KDM3B: variants seen among roughly 807,000 people sequenced by gnomAD.
The protein encoded by KDM3B is lysine-specific demethylase 3B.
A neutral mutation model predicts 170.0 loss-of-function variants in KDM3B; 10 were observed. The observed-to-expected ratio is 0.06, with a 90% CI of 0.04 to 0.10. KDM3B has a LOEUF of 0.10. KDM3B is among the 10% of genes least tolerant of loss of function. The pLI, the probability that KDM3B is intolerant of heterozygous loss-of-function variation, is 1.00. For synonymous variants in KDM3B, 831 were observed against 834.8 expected (o/e 1.00, Z 0.08); for missense variants, 1,394 against 2,195.2 (o/e 0.64, Z 7.29).
intron 20 of KDM3B, 116 bp downstream of exon 20, chr5:138,428,202 T>A: frequency 8.9e-7 from 1 of 1,119,728 alleles, no homozygotes; most frequent in Non-Finnish European, 1.3e-6. Context: ...TTTTCTTTTT[T>A]CTGTTTTTTT....
At chr5:138,430,223 A>G (rs894821717) in intron 21 of KDM3B, 26 bp from the exon 22 acceptor site, 6 of 1,606,748 alleles carry the variant, frequency 3.7e-6, no homozygotes, top group Non-Finnish European at 4.3e-6. Context: ...TAATTTTCCC[A>G]TCTTTGGATT....
At chr5:138,403,399 G>A (rs990139411) in intron 11 of KDM3B, among the ~76,000 whole-genome samples, 1 of 152,166 alleles carries the variant, frequency 6.6e-6, no homozygotes, top group Admixed American at 6.5e-5. Context: ...GAACCAGCCT[G>A]GCACAGTGGC....
rs560576789 is a variant in KDM3B at position 138,390,028 on chromosome 5, T to G, written c.1381-985T>G. On this transcript the variant is annotated intron_variant, in intron 7 of 23. Coordinates refer to ENST00000314358, the MANE Select transcript of KDM3B (RefSeq NM_016604.4). ...GCACGTGCCACCATGCCCGGCTCATTTTTTGTATTTTTAGTAGAGACAGGG... is the reference window on the plus strand; with the variant it reads ...GCACGTGCCACCATGCCCGGCTCATGTTTTGTATTTTTAGTAGAGACAGGG... Among the ~76,000 whole-genome samples the G allele has an allele frequency of 3.3e-5, 5 of 151,944 alleles. No homozygotes were observed. In the East Asian group the frequency reaches 9.7e-4, roughly 29 times the overall value.
chr5:138,403,732 C>T (rs111426924), intron 11 of KDM3B, among the ~76,000 whole-genome samples: 4,043 of 150,738 alleles, frequency 0.027, 75 homozygotes, highest in Middle Eastern at 0.038. Flanking sequence ...ATGGCTCACA[C>T]CTGCAATCCC....
intron 1 of KDM3B, among the ~76,000 whole-genome samples, chr5:138,360,522 T>TTGTA (rs1761570046): frequency 1.5e-5 from 2 of 137,898 alleles, no homozygotes. Flanking sequence ...TAAAAAAAGA[T>TTGTA]TGTGTGTGTG....
intron 4 of KDM3B, among the ~76,000 whole-genome samples, 166 bp downstream of exon 4, chr5:138,377,991 A>G (rs1054907704): frequency 6.6e-6 from 1 of 152,190 alleles, no homozygotes; most frequent in African/African-American, 2.4e-5. Flanking sequence ...ATTAAAAAAT[A>G]AAAATAAAGA....
chr5:138,377,117 G>A (rs1306408407), intron 3 of KDM3B, among the ~76,000 whole-genome samples: 1 of 152,050 alleles, frequency 6.6e-6, no homozygotes, highest in Admixed American at 6.6e-5. Flanking sequence ...TGTCTTCCTC[G>A]CTCGTTAGGC....
At chr5:138,369,784 A>G (rs76118157) in intron 1 of KDM3B, among the ~76,000 whole-genome samples, 5 of 152,312 alleles carry the variant, frequency 3.3e-5, no homozygotes, top group Non-Finnish European at 7.3e-5. Context: ...CCTGTGACAT[A>G]CTATTGCCCA....
chr5:138,375,464 G>A lies in KDM3B; in HGVS notation c.474+258G>A, dbSNP rs190504265. ...GCGATCTCAACTCACTGCAACCTCCGCCTCCCCGGTTCACTCCATTCTCCT... is the reference window on the plus strand; with the variant it reads ...GCGATCTCAACTCACTGCAACCTCCACCTCCCCGGTTCACTCCATTCTCCT... On this transcript the variant is annotated intron_variant, in intron 3 of 23. Coordinates refer to ENST00000314358, the MANE Select transcript of KDM3B (RefSeq NM_016604.4). Among the ~76,000 whole-genome samples the A allele has an allele frequency of 8.5e-3, 1,290 of 151,382 alleles. 18 individuals are homozygous for A. The highest frequency in any genetic ancestry group is 0.029 in the African/African-American group (1,202 of 41,202).
rs1293558487 is a variant in KDM3B at position 138,430,656 on chromosome 5, C to T, written c.5070+231C>T. On this transcript the variant is annotated intron_variant, in intron 22 of 23. Transcript: ENST00000314358. ...CTGTAATCCCAGCACTTTGGGAGGC[C>T]GAGGCGGGTGGATCACCTGAGGTTG... Among the ~76,000 whole-genome samples the T allele has an allele frequency of 3.3e-5, 5 of 152,086 alleles. No individual in the cohort carries two copies. The East Asian group carries it at 9.6e-4, about 29-fold the overall frequency.
rs1217105457 is a variant in KDM3B, at chr5:138,381,506, C to CCTA, written c.706-7_706-5dup. 1.3e-6 allele frequency: 2 copies of CCTA among 1,526,150 alleles called. No homozygotes were observed. Among genetic ancestry groups the CCTA allele is most frequent in the African/African-American group, 2.7e-5 (2 of 73,854 alleles). The allele number at this position is 1,526,150 out of a possible 1,614,324, so 94.5% of individuals were successfully genotyped here. A position where few individuals can be genotyped will look rare whatever the true frequency, so the allele number is the denominator to read the frequency against. On this transcript the variant is annotated splice_polypyrimidine_tract_variant and intron_variant, in intron 5 of 23. Coordinates refer to ENST00000314358, the MANE Select transcript of KDM3B (RefSeq NM_016604.4). Reference sequence around the variant, plus strand: ...AAGGCATTAAATATCTTTTTCCCCTCCTACTGTAGAGTGGTGAGATCAAGT... The same window carrying CCTA: ...AAGGCATTAAATATCTTTTTCCCCTCCTACTACTGTAGAGTGGTGAGATCAAGT...
intron 2 of KDM3B, among the ~76,000 whole-genome samples, chr5:138,374,543 C>A (rs1043792315): frequency 1.3e-5 from 2 of 152,220 alleles, no homozygotes; most frequent in East Asian, 3.8e-4. Flanking sequence ...CAGGCGTAGC[C>A]ACTGCGCCCG....
intron 13 of KDM3B, among the ~76,000 whole-genome samples, chr5:138,418,398 C>T (rs1450563775): frequency 6.6e-6 from 1 of 151,960 alleles, no homozygotes; most frequent in African/African-American, 2.4e-5. Context: ...TCTTCAGACA[C>T]GCACAACCAA....
chr5:138,375,897 G>A (rs369636848), intron 3 of KDM3B, among the ~76,000 whole-genome samples: 19 of 151,324 alleles, frequency 1.3e-4, no homozygotes, highest in Non-Finnish European at 8.8e-5. Flanking sequence ...GGCTAGTCTC[G>A]AACTCCTGAC....
chr5:138,430,912 T>C (rs1476300139), intron 22 of KDM3B, among the ~76,000 whole-genome samples: 1 of 152,018 alleles, frequency 6.6e-6, no homozygotes, highest in Non-Finnish European at 1.5e-5. Context: ...ATTTAAACAA[T>C]GCAAGCTATT....
At position 138,426,807 on chromosome 5, in the gene KDM3B, A is replaced by G. The variant is rs556512165; in HGVS notation, c.4412-168A>G. 7 of 533,864 alleles carry G rather than the reference A, an allele frequency of 1.3e-5. No individual in the cohort carries two copies. In the East Asian group the frequency reaches 2.2e-4, roughly 17 times the overall value. 33.1% of individuals were successfully genotyped at this position (533,864 alleles called of 1,614,324 possible). On this transcript the variant is annotated intron_variant, in intron 17 of 23. Transcript: ENST00000314358. ...TCAGGGAGAATCGCTTGAACCCGGGAGGCCAAGATCATGCCACTGCACTGC... is the reference window on the plus strand; with the variant it reads ...TCAGGGAGAATCGCTTGAACCCGGGGGGCCAAGATCATGCCACTGCACTGC...
intron 11 of KDM3B, among the ~76,000 whole-genome samples, chr5:138,400,307 T>TTAC (rs1762650522): frequency 6.6e-6 from 1 of 152,054 alleles, no homozygotes; most frequent in Admixed American, 6.6e-5. Context: ...CAATCATGGC[T>TTAC]TACTGCACCC....
intron 23 of KDM3B, among the ~76,000 whole-genome samples, chr5:138,433,769 C>T (rs890997453): frequency 2.6e-5 from 4 of 151,746 alleles, no homozygotes; most frequent in Admixed American, 6.6e-5. Flanking sequence ...GATGGAGTCC[C>T]GCTCCGTTGC....
At chr5:138,390,880 C>A in intron 7 of KDM3B, 133 bp from the exon 8 acceptor site, 1 of 782,890 alleles carries the variant, frequency 1.3e-6, no homozygotes, top group Non-Finnish European at 2.0e-6. Flanking sequence ...AAGAGCAGAT[C>A]CATGGAATTG....
Sources: allele counts gnomAD v4.1 joint callset (sites outside exome capture counted in the v4.1 genomes callset), GRCh38; gene constraint gnomAD v4.1.1; transcripts MANE v1.5; gene names NCBI Gene and HGNC (gene_info 2026-07-23, HGNC 2026-07-21).